The following RFX3 variants were observed in gnomAD, a reference collection of about 807,000 sequenced individuals.
RFX3 encodes the protein transcription factor RFX3.
Under a neutral mutation model 98.6 loss-of-function variants are expected in RFX3, and 14 were observed. The observed-to-expected ratio is 0.14, with a 90% CI of 0.09 to 0.22. RFX3 has a LOEUF of 0.22. RFX3 is among the 10% of genes least tolerant of loss of function. The pLI, the probability that RFX3 is intolerant of heterozygous loss-of-function variation, is 1.00. For synonymous variants in RFX3, 383 were observed against 328.4 expected, an observed-to-expected ratio of 1.17 and a Z score of -1.80; for missense variants, 639 against 926.9, an observed-to-expected ratio of 0.69 and a Z score of 4.03.
At chr9:3,430,740 G>A (rs1435676356) in intron 1 of RFX3, among the ~76,000 whole-genome samples, 2 of 151,676 alleles carry the variant, frequency 1.3e-5, no homozygotes, top group Non-Finnish European at 2.9e-5. Context: ...ACTTATATGT[G>A]CATTTTTTTC....
intron 1 of RFX3, among the ~76,000 whole-genome samples, chr9:3,509,119 T>C (rs1326158829): frequency 6.6e-6 from 1 of 151,864 alleles, no homozygotes; most frequent in Admixed American, 6.6e-5. Context: ...AAAAATCAGA[T>C]AATAGCATAG....
intron 1 of RFX3, among the ~76,000 whole-genome samples, chr9:3,424,400 C>G (rs1278932597): frequency 3.5e-5 from 4 of 115,844 alleles, no homozygotes; most frequent in Non-Finnish European, 6.6e-5. Context: ...CTCGCTCTGT[C>G]GCCCAGGCTG....
intron 4 of RFX3, among the ~76,000 whole-genome samples, chr9:3,328,111 G>A (rs186916515): frequency 1.1e-4 from 17 of 152,222 alleles, no homozygotes; most frequent in Admixed American, 3.3e-4. Context: ...GGTTTCGAAG[G>A]ATGGTAGGTT....
intron 14 of RFX3, among the ~76,000 whole-genome samples, chr9:3,253,921 A>G (rs890135576): frequency 6.6e-6 from 1 of 152,140 alleles, no homozygotes; most frequent in East Asian, 1.9e-4. Context: ...TCTCAGTAAA[A>G]AACAGTTCAG....
At chr9:3,392,890 A>T (rs1317409715) in intron 2 of RFX3, among the ~76,000 whole-genome samples, 1 of 152,176 alleles carries the variant, frequency 6.6e-6, no homozygotes, top group African/African-American at 2.4e-5. Flanking sequence ...ACAAGGCTGG[A>T]TTTGAAAAGC....
At position 3,504,934 on chromosome 9, in the gene RFX3, TA is replaced by T. The variant is rs1205225056; in HGVS notation, c.-9+20812del. Among the ~76,000 whole-genome samples, 103 of 63,642 alleles carry T rather than the reference TA, an allele frequency of 1.6e-3. 2 individuals carry two copies. Among genetic ancestry groups the T allele is most frequent in the African/African-American group, 7.3e-3 (92 of 12,660 alleles). 41.8% of individuals were successfully genotyped at this position (63,642 alleles called of 152,430 possible). ...TATATAATATAACATATATTATATA[TA>T]ATATATATAATATAATATATATTAT... On this transcript the variant is annotated intron_variant, in intron 1 of 16. Coordinates refer to ENST00000617270, the MANE Select transcript of RFX3 (RefSeq NM_001282116.2).
chr9:3,259,343 C>G (rs1398912259), intron 13 of RFX3, among the ~76,000 whole-genome samples: 1 of 152,070 alleles, frequency 6.6e-6, no homozygotes, highest in African/African-American at 2.4e-5. Flanking sequence ...GCACATTATT[C>G]TGGCTTTTCA....
At chr9:3,373,106 T>A (rs1351358100) in intron 2 of RFX3, among the ~76,000 whole-genome samples, 1 of 152,176 alleles carries the variant, frequency 6.6e-6, no homozygotes, top group African/African-American at 2.4e-5. Context: ...CTACTCCCTA[T>A]TTTTAGGTGT....
chr9:3,366,706 CTTTCTTTCTTT>C (rs1271380237), intron 2 of RFX3, among the ~76,000 whole-genome samples: 2 of 88,716 alleles, frequency 2.3e-5, no homozygotes, highest in African/African-American at 4.4e-5. Context: ...TTCTTTCTTT[CTTTCTTTCTTT>C]CTTTCTTTCT....
intron 2 of RFX3, among the ~76,000 whole-genome samples, chr9:3,394,218 CT>C (rs1197830359): frequency 6.6e-6 from 1 of 152,038 alleles, no homozygotes; most frequent in Non-Finnish European, 1.5e-5. Context: ...AATCCCAGCA[CT>C]TTGGGAGGTC....
intron 2 of RFX3, among the ~76,000 whole-genome samples, chr9:3,371,761 C>T (rs1251364802): frequency 1.3e-5 from 2 of 152,032 alleles, no homozygotes; most frequent in Non-Finnish European, 2.9e-5. Context: ...GAACAGAAGG[C>T]TAGTAATAAT....
At chr9:3,438,265 T>C (rs1007602983) in intron 1 of RFX3, among the ~76,000 whole-genome samples, 1 of 152,142 alleles carries the variant, frequency 6.6e-6, no homozygotes, top group East Asian at 1.9e-4. Flanking sequence ...CAGTGTTTTT[T>C]AGAACTGACG....
At chr9:3,457,463 A>G (rs545317961) in intron 1 of RFX3, among the ~76,000 whole-genome samples, 1 of 152,192 alleles carries the variant, frequency 6.6e-6, no homozygotes, top group Non-Finnish European at 1.5e-5. Flanking sequence ...CAATTTGAGT[A>G]TCATTTTATT....
intron 4 of RFX3, among the ~76,000 whole-genome samples, chr9:3,306,451 T>G (rs1317345935): frequency 1.3e-5 from 2 of 151,902 alleles, no homozygotes; most frequent in African/African-American, 4.8e-5. Flanking sequence ...AAAGGCAAAC[T>G]GAATGAATTA....
intron 15 of RFX3, among the ~76,000 whole-genome samples, chr9:3,229,852 G>C (rs1409505512): frequency 6.6e-6 from 1 of 152,024 alleles, no homozygotes; most frequent in Non-Finnish European, 1.5e-5. Context: ...TCATCTACAA[G>C]GTTTGTCTAT....
intron 1 of RFX3, among the ~76,000 whole-genome samples, chr9:3,487,602 A>C (rs1181508945): frequency 6.6e-6 from 1 of 152,178 alleles, no homozygotes; most frequent in Non-Finnish European, 1.5e-5. Flanking sequence ...AATAACAAAA[A>C]GAGAGGTATA....
intron 1 of RFX3, among the ~76,000 whole-genome samples, chr9:3,522,457 G>C (rs1443039522): frequency 6.6e-6 from 1 of 152,138 alleles, no homozygotes; most frequent in Non-Finnish European, 1.5e-5. Flanking sequence ...AAATGTTAAA[G>C]TTTACTTCTT....
chr9:3,438,120 T>A (rs1452313232), intron 1 of RFX3, among the ~76,000 whole-genome samples: 1 of 152,050 alleles, frequency 6.6e-6, no homozygotes, highest in Non-Finnish European at 1.5e-5. Flanking sequence ...GTGTGTCACC[T>A]CCTCAGAGTC....
Position 3,277,395 on chromosome 9 carries a change from G to C in RFX3, c.918C>G (p.Gly306=), listed in dbSNP as rs1268058555. Residue 306 remains glycine, a synonymous_variant, in exon 8 of 17, where the codon GGC becomes GGG. Coordinates refer to ENST00000617270, the MANE Select transcript of RFX3 (RefSeq NM_001282116.2). ...DGFTGSGQQT[G]TSVEQTVIAQ... ...CAATTACAGTTTGCTCAACAGATGT[G>C]CCTGTCTGTTGACCACTTCCTGTGA... The C allele has an allele frequency of 1.8e-5, 29 of 1,612,624 alleles. No homozygotes were observed. The highest frequency in any genetic ancestry group is 2.4e-5 in the Non-Finnish European group (28 of 1,179,008).
Sources: allele counts gnomAD v4.1 joint callset (sites outside exome capture counted in the v4.1 genomes callset), GRCh38; gene constraint gnomAD v4.1.1; transcripts MANE v1.5; gene names NCBI Gene and HGNC (gene_info 2026-07-23, HGNC 2026-07-21).